The following YES1 variants were observed in gnomAD, a reference collection of about 807,000 sequenced individuals.
YES1 encodes the protein YES proto-oncogene 1, Src family tyrosine kinase.
Under a neutral mutation model 70.4 loss-of-function variants are expected in YES1, and 39 were observed. The observed-to-expected ratio is 0.55, with a 90% CI of 0.43 to 0.72. The LOEUF (loss-of-function observed/expected upper bound fraction) is 0.72. Among genes scored for constraint, YES1 ranks in the 30% least tolerant of loss-of-function variants. YES1 has a pLI of 0.00. For synonymous variants in YES1, 198 were observed against 218.6 expected (o/e 0.91, Z 0.83); for missense variants, 495 against 644.8 (o/e 0.77, Z 2.52).
At chr18:747,658 T>C (rs185414861) in intron 4 of YES1, among the ~76,000 whole-genome samples, 15 of 152,224 alleles carry the variant, frequency 9.9e-5, no homozygotes, top group Admixed American at 8.5e-4. Context: ...AAAAGGCTTA[T>C]AGATACATAT....
chr18:785,664 A>C (rs1905899971), intron 1 of YES1, among the ~76,000 whole-genome samples: 1 of 152,036 alleles, frequency 6.6e-6, no homozygotes, highest in South Asian at 2.1e-4. Flanking sequence ...TAAATAGGTT[A>C]TGAGGACTGT....
At chr18:807,852 C>G (rs933054988) in intron 1 of YES1, among the ~76,000 whole-genome samples, 3 of 152,150 alleles carry the variant, frequency 2.0e-5, no homozygotes, top group African/African-American at 7.2e-5. Context: ...CAATTCTACT[C>G]CCCTCCCCTA....
intron 3 of YES1, among the ~76,000 whole-genome samples, chr18:750,036 A>G (rs1294964212): frequency 6.6e-6 from 1 of 152,214 alleles, no homozygotes; most frequent in Non-Finnish European, 1.5e-5. Flanking sequence ...GGGATTTGTT[A>G]CTAAAGATTA....
intron 1 of YES1, among the ~76,000 whole-genome samples, chr18:781,479 TCA>T (rs1387919075): frequency 6.6e-6 from 1 of 152,136 alleles, no homozygotes; most frequent in Non-Finnish European, 1.5e-5. Flanking sequence ...TCCCATGTGC[TCA>T]CACAGTACAT....
intron 1 of YES1, among the ~76,000 whole-genome samples, chr18:773,628 C>T (rs1905248025): frequency 6.6e-6 from 1 of 152,130 alleles, no homozygotes; most frequent in African/African-American, 2.4e-5. Context: ...CTTTTAAAAC[C>T]TCTAGACTTT....
chr18:797,331 T>TA lies in YES1; in HGVS notation c.-9+14782dup, dbSNP rs1298461220. On this transcript the variant is annotated intron_variant, in intron 1 of 11. Coordinates refer to ENST00000314574, the MANE Select transcript of YES1 (RefSeq NM_005433.4). Reference sequence around the variant, plus strand: ...TAAAACAATGTTCTATCAATCCCCCTAAAAAAACTGGGAAAATATAGAAAG... The same window carrying TA: ...TAAAACAATGTTCTATCAATCCCCCTAAAAAAAACTGGGAAAATATAGAAAG... Among the ~76,000 whole-genome samples, 20 of 152,046 alleles carry TA rather than the reference T, an allele frequency of 1.3e-4. No individual in the cohort carries two copies. The East Asian group carries it at 1.7e-3, about 13-fold the overall frequency.
rs1187808138 is a variant in YES1, at chr18:723,620, C to T, written c.*804G>A. 1 of 152,510 alleles carries T rather than the reference C, an allele frequency of 6.6e-6. No homozygotes were observed. Among genetic ancestry groups the T allele is most frequent in the African/African-American group, 2.4e-5 (1 of 41,400 alleles). 9.4% of individuals were successfully genotyped at this position (152,510 alleles called of 1,614,324 possible). A position where few individuals can be genotyped will look rare whatever the true frequency, so the allele number is the denominator to read the frequency against. ...TGCTATCTAAAGATCAAAACATTTC[C>T]CCTTTGATTGGACAGTAGTTTCAAT... On this transcript the variant is annotated 3_prime_UTR_variant, in exon 12 of 12. Transcript: ENST00000314574.
intron 1 of YES1, among the ~76,000 whole-genome samples, chr18:757,260 T>TTGGGAGGCCAAGGCGGGCGGATCACGAG (rs2080421266): frequency 6.6e-6 from 1 of 152,074 alleles, no homozygotes; most frequent in Non-Finnish European, 1.5e-5. Context: ...TCCCAGCACT[T>TTGGGAGGCCAAGGCGGGCGGATCACGAG]TGGGAGGCCA....
intron 10 of YES1, among the ~76,000 whole-genome samples, chr18:734,626 C>G (rs529909897): frequency 6.6e-6 from 1 of 151,120 alleles, no homozygotes; most frequent in South Asian, 2.1e-4. Context: ...CAGGGAAATG[C>G]AAATTAAAAC....
intron 1 of YES1, among the ~76,000 whole-genome samples, chr18:794,004 C>A (rs9951960): frequency 6.6e-6 from 1 of 152,182 alleles, no homozygotes; most frequent in East Asian, 1.9e-4. Flanking sequence ...ACACATTCAG[C>A]ACACGTATCC....
intron 4 of YES1, 51 bp downstream of exon 4, chr18:747,869 A>G (rs771185667): frequency 2.2e-5 from 35 of 1,562,686 alleles, no homozygotes; most frequent in Non-Finnish European, 2.6e-5. Context: ...AATGTGCATT[A>G]AAACATTTCA....
intron 1 of YES1, among the ~76,000 whole-genome samples, chr18:777,950 G>A (rs1598928887): frequency 6.6e-6 from 1 of 151,958 alleles, no homozygotes; most frequent in African/African-American, 2.4e-5. Flanking sequence ...ACATTATTAT[G>A]TTGTACACAC....
chr18:729,927 A>AT (rs1291943018), intron 11 of YES1, among the ~76,000 whole-genome samples: 1 of 152,084 alleles, frequency 6.6e-6, no homozygotes, highest in African/African-American at 2.4e-5. Flanking sequence ...GCCCAGCCAG[A>AT]TTTTGAACTC....
intron 1 of YES1, among the ~76,000 whole-genome samples, chr18:761,942 T>G (rs995752109): frequency 6.6e-6 from 1 of 152,244 alleles, no homozygotes; most frequent in African/African-American, 2.4e-5. Flanking sequence ...ATCCCAGAAC[T>G]TTGGGAGGCC....
At chr18:755,359 G>A (rs371941410) in intron 2 of YES1, among the ~76,000 whole-genome samples, 2 of 151,414 alleles carry the variant, frequency 1.3e-5, no homozygotes, top group African/African-American at 4.9e-5. Context: ...AGCACTACTC[G>A]TGCCTCAGCC....
intron 1 of YES1, among the ~76,000 whole-genome samples, chr18:757,706 C>T (rs1904366871): frequency 6.6e-6 from 1 of 151,744 alleles, no homozygotes. Context: ...CCTGTAATCC[C>T]AGCTACTAGG....
Position 803,933 on chromosome 18 carries a change from A to G in YES1, c.-9+8181T>C, listed in dbSNP as rs1337977418. Among the ~76,000 whole-genome samples, 42 of 152,230 alleles carry G rather than the reference A, an allele frequency of 2.8e-4. 1 individual carries two copies. The highest frequency in any genetic ancestry group is 5.9e-5 in the Non-Finnish European group (4 of 68,030). On this transcript the variant is annotated intron_variant, in intron 1 of 11. Coordinates refer to ENST00000314574, the MANE Select transcript of YES1 (RefSeq NM_005433.4). ...ACGGGCTGCCTAGAAATCAGGCCAA[A>G]AGGCTTATGTTACAGAAAAGACTTC...
intron 1 of YES1, among the ~76,000 whole-genome samples, chr18:790,713 A>G (rs974668005): frequency 1.3e-5 from 2 of 152,242 alleles, no homozygotes; most frequent in African/African-American, 4.8e-5. Flanking sequence ...ATTAATAAAA[A>G]TAACTCAGTT....
At chr18:794,174 G>A (rs1906416431) in intron 1 of YES1, among the ~76,000 whole-genome samples, 1 of 152,160 alleles carries the variant, frequency 6.6e-6, no homozygotes. Flanking sequence ...AGTTAATACT[G>A]CCAATAGTAG....
Sources: gnomAD v4.1 joint callset for allele counts (sites outside exome capture counted in the v4.1 genomes callset) on GRCh38, gnomAD v4.1.1 for gene constraint, MANE v1.5 for transcripts, NCBI Gene and HGNC (gene_info 2026-07-23, HGNC 2026-07-21) for gene names.